Variants in TEK observed in about 807,000 individuals in gnomAD.
The protein encoded by TEK is angiopoietin-1 receptor.
In TEK, 43 loss-of-function variants were observed where a neutral mutation model predicts 131.8. That is an observed-to-expected ratio of 0.33 (90% CI 0.26 to 0.42). TEK has a LOEUF of 0.42. Ranked by LOEUF, TEK falls within the 10% of genes least tolerant of loss-of-function variation. The pLI is 1.00. For synonymous variants in TEK, 580 were observed against 491.6 expected (o/e 1.18, Z -2.38); for missense variants, 1,162 against 1,384.4 (o/e 0.84, Z 2.55).
intron 1 of TEK, among the ~76,000 whole-genome samples, chr9:27,116,986 C>G (rs926290980): frequency 6.6e-6 from 1 of 151,640 alleles, no homozygotes; most frequent in Non-Finnish European, 1.5e-5. Flanking sequence ...CTCAGCCTCC[C>G]GAGTAGCTGG....
chr9:27,176,361 A>G (rs1393523406), intron 6 of TEK, among the ~76,000 whole-genome samples: 1 of 152,236 alleles, frequency 6.6e-6, no homozygotes, highest in African/African-American at 2.4e-5. Context: ...ACACTTTGCC[A>G]GGAAGAAAGT....
chr9:27,117,723 A>C (rs1192946336), intron 1 of TEK, among the ~76,000 whole-genome samples: 3 of 152,242 alleles, frequency 2.0e-5, no homozygotes. Flanking sequence ...GAAGCCAGTC[A>C]GGCGTGGGGT....
intron 19 of TEK, among the ~76,000 whole-genome samples, chr9:27,218,522 T>G (rs1307046778): frequency 6.6e-6 from 1 of 152,136 alleles, no homozygotes; most frequent in Non-Finnish European, 1.5e-5. Context: ...TCATCTGTTT[T>G]GGACAGTACC....
At position 27,229,747 on chromosome 9, in the gene TEK, TTC is replaced by T. The variant is rs139215084; in HGVS notation, c.*522_*523del. On this transcript the variant is annotated 3_prime_UTR_variant, in exon 23 of 23. Coordinates refer to ENST00000380036, the MANE Select transcript of TEK (RefSeq NM_000459.5). ...AATCTAAGTGATATAAATCAGATTC[TTC>T]TCTCTCAATTTTATCCCTCACCTGT... The T allele has an allele frequency of 0.022, 3,607 of 164,778 alleles. 45 individuals are homozygous for T. Among genetic ancestry groups the T allele is most frequent in the Non-Finnish European group, 0.036 (2,673 of 74,570 alleles). The allele number at this position is 164,778 out of a possible 1,614,324, so 10.2% of individuals were successfully genotyped here. A position where few individuals can be genotyped will look rare whatever the true frequency, so the allele number is the denominator to read the frequency against.
In TEK at chr9:27,163,687, T is replaced by C. The variant is rs562841777; in HGVS notation, c.365-4808T>C. 2.6e-5 allele frequency among the ~76,000 whole-genome samples: 4 copies of C among 152,322 alleles called. No individual in the cohort carries two copies. In the East Asian group the frequency reaches 5.8e-4, roughly 22 times the overall value. ...ACATTTATTCACTGTTGATAGGCCT[T>C]GGGTAAGGGACTTAGTCTTCCTTAA... is the stretch of plus-strand genomic sequence containing the variant. On this transcript the variant is annotated intron_variant, in intron 2 of 22. Coordinates refer to ENST00000380036, the MANE Select transcript of TEK (RefSeq NM_000459.5).
At chr9:27,130,147 G>T (rs910024461) in intron 1 of TEK, among the ~76,000 whole-genome samples, 3 of 152,198 alleles carry the variant, frequency 2.0e-5, no homozygotes, top group African/African-American at 7.2e-5. Flanking sequence ...AGTTTTACTG[G>T]ATCTTAGGTG....
rs180842851 is a variant in TEK at position 27,213,723 on chromosome 9, C to T, written c.2991+126C>T. Reference sequence around the variant, plus strand: ...ATCTGACTGTATGTCCCAGTAGATACTGTGTGCCCTGGGAAACATTCTTTC... The same window carrying T: ...ATCTGACTGTATGTCCCAGTAGATATTGTGTGCCCTGGGAAACATTCTTTC... On this transcript the variant is annotated intron_variant, in intron 18 of 22. Coordinates refer to ENST00000380036, the MANE Select transcript of TEK (RefSeq NM_000459.5). 2.1e-4 allele frequency: 152 copies of T among 731,024 alleles called. No individual in the cohort carries two copies. In the East Asian group the frequency reaches 3.8e-3, roughly 18 times the overall value. 45.3% of individuals were successfully genotyped at this position (731,024 alleles called of 1,614,324 possible). A position where few individuals can be genotyped will look rare whatever the true frequency, so the allele number is the denominator to read the frequency against.
intron 17 of TEK, 133 bp downstream of exon 17, chr9:27,213,030 CT>C: frequency 1.1e-6 from 1 of 936,820 alleles, no homozygotes; most frequent in South Asian, 1.5e-5. Context: ...TTTAATCTCT[CT>C]GTGAATAGTC....
intron 1 of TEK, among the ~76,000 whole-genome samples, chr9:27,156,050 G>T (rs1823320320): frequency 6.6e-6 from 1 of 152,054 alleles, no homozygotes; most frequent in Non-Finnish European, 1.5e-5. Context: ...TGATCCCCCT[G>T]CCTCGGCCTC....
At chr9:27,122,309 A>ATTGCTGTTAT (rs1821823322) in intron 1 of TEK, among the ~76,000 whole-genome samples, 1 of 152,176 alleles carries the variant, frequency 6.6e-6, no homozygotes, top group Non-Finnish European at 1.5e-5. Context: ...TTCTGAGAGA[A>ATTGCTGTTAT]AACAGGGATC....
chr9:27,121,204 G>A (rs781256101), intron 1 of TEK, among the ~76,000 whole-genome samples: 2 of 152,102 alleles, frequency 1.3e-5, no homozygotes, highest in Non-Finnish European at 2.9e-5. Context: ...GTGCACACTT[G>A]TAGTCCCAGC....
chr9:27,214,675 T>G (rs1441587827), intron 18 of TEK, among the ~76,000 whole-genome samples: 1 of 152,216 alleles, frequency 6.6e-6, no homozygotes, highest in Non-Finnish European at 1.5e-5. Flanking sequence ...CTTATTGCCT[T>G]TCACAGCATA....
chr9:27,193,276 C>G (rs1824887885), intron 11 of TEK, among the ~76,000 whole-genome samples: 1 of 152,154 alleles, frequency 6.6e-6, no homozygotes, highest in Non-Finnish European at 1.5e-5. Context: ...CCATCAGAAT[C>G]ACTCAGAGAG....
intron 1 of TEK, among the ~76,000 whole-genome samples, chr9:27,116,859 A>AT (rs66900456): frequency 0.53 from 63,505 of 120,746 alleles, 16,832 homozygotes; most frequent in Admixed American, 0.62. Flanking sequence ...ATGGAAAGAA[A>AT]TTTTTTTTTT....
chr9:27,218,451 CAT>C (rs1024974743), intron 19 of TEK, among the ~76,000 whole-genome samples: 1 of 152,118 alleles, frequency 6.6e-6, no homozygotes, highest in Non-Finnish European at 1.5e-5. Context: ...TTCCAGGTCA[CAT>C]AAGTATTGGG....
chr9:27,188,426 T>C (rs1313183410), intron 9 of TEK, among the ~76,000 whole-genome samples: 1 of 152,220 alleles, frequency 6.6e-6, no homozygotes, highest in Non-Finnish European at 1.5e-5. Context: ...TTGTAGCAAT[T>C]TTTAAACCCT....
chr9:27,157,709 A>G, intron 1 of TEK, 122 bp from the exon 2 acceptor site: 1 of 1,191,556 alleles, frequency 8.4e-7, no homozygotes, highest in Non-Finnish European at 1.2e-6. Flanking sequence ...GCACATGGTC[A>G]GAATAGCATT....
At chr9:27,172,884 T>A in intron 5 of TEK, 137 bp downstream of exon 5, 1 of 1,224,248 alleles carries the variant, frequency 8.2e-7, no homozygotes, top group Non-Finnish European at 1.2e-6. Context: ...GTGTGTGAAT[T>A]AGAAAAAGGT....
intron 1 of TEK, among the ~76,000 whole-genome samples, chr9:27,145,959 T>C (rs1237530705): frequency 2.6e-5 from 4 of 152,232 alleles, no homozygotes; most frequent in Admixed American, 6.5e-5. Context: ...ATATCTTCTA[T>C]GGTGCTGCTT....
Sources: allele counts gnomAD v4.1 joint callset (sites outside exome capture counted in the v4.1 genomes callset), GRCh38; gene constraint gnomAD v4.1.1; transcripts MANE v1.5; gene names NCBI Gene and HGNC (gene_info 2026-07-23, HGNC 2026-07-21).